Variants in GABRG1 observed in about 807,000 individuals in gnomAD.
GABRG1 encodes gamma-aminobutyric acid receptor subunit gamma-1.
In GABRG1, 49 loss-of-function variants were observed where a neutral mutation model predicts 49.8. The observed-to-expected ratio is 0.98, with a 90% CI of 0.78 to 1.25. GABRG1 has a LOEUF of 1.25. GABRG1 is among the 50% of genes most tolerant of loss of function. The pLI is 0.00. For synonymous variants in GABRG1, 232 were observed against 185.1 expected (o/e 1.25, Z -2.06); for missense variants, 552 against 552.3 (o/e 1.00, Z 0.01).
intron 5 of GABRG1, among the ~76,000 whole-genome samples, chr4:46,058,940 C>G (rs916440978): frequency 1.3e-5 from 2 of 152,006 alleles, no homozygotes; most frequent in Admixed American, 6.6e-5. Flanking sequence ...CTGCGATGAT[C>G]TTTTCTTTTT....
rs942435212 is a variant in GABRG1 at position 46,046,676 on chromosome 4, G to A, written c.1131+4748C>T. On this transcript the variant is annotated intron_variant, in intron 8 of 8. Transcript: ENST00000295452. ...GTGGGTGAGGACTGTGGGGTGAGGCGGTGCCAGGGGGGACCCAAAAACTTG... is the reference window on the plus strand; with the variant it reads ...GTGGGTGAGGACTGTGGGGTGAGGCAGTGCCAGGGGGGACCCAAAAACTTG... Among the ~76,000 whole-genome samples the A allele has an allele frequency of 9.2e-5, 14 of 152,020 alleles. 1 individual carries two copies. The highest frequency in any genetic ancestry group is 6.2e-4 in the South Asian group (3 of 4,814).
At chr4:46,045,075 A>G (rs530796979) in intron 8 of GABRG1, among the ~76,000 whole-genome samples, 3 of 152,218 alleles carry the variant, frequency 2.0e-5, no homozygotes, top group African/African-American at 7.2e-5. Context: ...TTGGGGAACA[A>G]TCATGAAGAA....
intron 3 of GABRG1, among the ~76,000 whole-genome samples, chr4:46,072,947 G>A (rs1393627341): frequency 6.6e-6 from 1 of 151,806 alleles, no homozygotes; most frequent in Non-Finnish European, 1.5e-5. Flanking sequence ...ACAGATTTTA[G>A]ATATATTTAT....
chr4:46,044,626 C>T (rs1717917986), intron 8 of GABRG1, among the ~76,000 whole-genome samples: 1 of 152,030 alleles, frequency 6.6e-6, no homozygotes, highest in South Asian at 2.1e-4. Context: ...AGACACATCT[C>T]AGAAAGGCTC....
chr4:46,090,151 T>C (rs1719926079), intron 2 of GABRG1, among the ~76,000 whole-genome samples: 1 of 151,944 alleles, frequency 6.6e-6, no homozygotes, highest in African/African-American at 2.4e-5. Flanking sequence ...AAGCGATACA[T>C]ACAAAAATTA....
Position 46,097,183 on chromosome 4 carries a change from A to G in GABRG1, c.253+18T>C, listed in dbSNP as rs374594000. 3.8e-6 allele frequency: 6 copies of G among 1,589,070 alleles called. No homozygotes were observed. The highest frequency in any genetic ancestry group is 5.1e-6 in the Non-Finnish European group (6 of 1,168,538). The stretch of plus-strand genomic sequence containing the variant: ...GTTTAATGGTCATCAAAATCCCAGA[A>G]TGGTAACTCAAGCTTACCTCCTATA... On this transcript the variant is annotated intron_variant, in intron 2 of 8. Coordinates refer to ENST00000295452, the MANE Select transcript of GABRG1 (RefSeq NM_173536.4).
chr4:46,060,616 T>G (rs975742427), intron 5 of GABRG1, among the ~76,000 whole-genome samples: 3 of 152,166 alleles, frequency 2.0e-5, no homozygotes, highest in African/African-American at 7.2e-5. Flanking sequence ...AACTTGAAAT[T>G]TCAAAAATAG....
intron 5 of GABRG1, among the ~76,000 whole-genome samples, chr4:46,061,401 G>T (rs1313162104): frequency 6.6e-6 from 1 of 152,042 alleles, no homozygotes; most frequent in Non-Finnish European, 1.5e-5. Context: ...TTATGCTTAT[G>T]AATAAAATGT....
rs1366463524 is a variant in GABRG1 at position 46,039,315 on chromosome 4, A to T, written c.*1673T>A. ...CATGCTTATTTTTTTCCAGAAGTTT[A>T]TGAGCAAGTGAAAAAAAAAATAGAG... is the stretch of plus-strand genomic sequence containing the variant. On this transcript the variant is annotated 3_prime_UTR_variant, in exon 9 of 9. Coordinates refer to ENST00000295452, the MANE Select transcript of GABRG1 (RefSeq NM_173536.4). The T allele has an allele frequency of 6.6e-6, 1 of 151,550 alleles. No individual in the cohort carries two copies. The highest frequency in any genetic ancestry group is 2.4e-5 in the African/African-American group (1 of 41,368). The allele number at this position is 151,550 out of a possible 1,614,324, so 9.4% of individuals were successfully genotyped here.
At chr4:46,113,020 A>C (rs935051104) in intron 1 of GABRG1, among the ~76,000 whole-genome samples, 2 of 150,806 alleles carry the variant, frequency 1.3e-5, no homozygotes, top group Non-Finnish European at 3.0e-5. Flanking sequence ...TATCTCCCCA[A>C]CCCTCACTTG....
intron 1 of GABRG1, among the ~76,000 whole-genome samples, chr4:46,119,229 G>A (rs1013366835): frequency 5.9e-5 from 9 of 151,404 alleles, no homozygotes; most frequent in African/African-American, 1.7e-4. Context: ...TCTGCTTAAT[G>A]TGATTTTATC....
At chr4:46,090,445 A>G (rs1346178933) in intron 2 of GABRG1, among the ~76,000 whole-genome samples, 3 of 152,042 alleles carry the variant, frequency 2.0e-5, no homozygotes, top group Non-Finnish European at 4.4e-5. Context: ...GTAAATATTA[A>G]GAGAACCTAG....
In GABRG1 at chr4:46,040,874, C is replaced by A; in HGVS notation, c.*114G>T. Reference sequence around the variant, plus strand: ...CTTAAAATAGTTACAATACTATTCACATTTTAACCATTGGTCTCTCTGCAT... The same window carrying A: ...CTTAAAATAGTTACAATACTATTCAAATTTTAACCATTGGTCTCTCTGCAT... On this transcript the variant is annotated 3_prime_UTR_variant, in exon 9 of 9. Coordinates refer to ENST00000295452, the MANE Select transcript of GABRG1 (RefSeq NM_173536.4). The A allele has an allele frequency of 1.9e-6, 2 of 1,079,520 alleles. No homozygotes were observed. Among genetic ancestry groups the A allele is most frequent in the Non-Finnish European group, 2.7e-6 (2 of 747,996 alleles). 66.9% of individuals were successfully genotyped at this position (1,079,520 alleles called of 1,614,324 possible).
intron 3 of GABRG1, among the ~76,000 whole-genome samples, chr4:46,074,348 T>C: frequency 6.6e-6 from 1 of 152,150 alleles, no homozygotes; most frequent in East Asian, 1.9e-4. Flanking sequence ...TTTATATTAT[T>C]ACCAGTTTAT....
At chr4:46,107,927 A>G (rs1720604165) in intron 1 of GABRG1, among the ~76,000 whole-genome samples, 2 of 151,238 alleles carry the variant, frequency 1.3e-5, no homozygotes, top group African/African-American at 2.4e-5. Flanking sequence ...TTACTTATGT[A>G]TTTGGTAAAA....
At chr4:46,051,383 A>T in intron 8 of GABRG1, 41 bp downstream of exon 8, 1 of 1,400,644 alleles carries the variant, frequency 7.1e-7, no homozygotes, top group Non-Finnish European at 9.8e-7. Context: ...TCTCTAAGTA[A>T]GTTGAGGTTT....
At chr4:46,051,847 G>T (rs891030016) in intron 7 of GABRG1, among the ~76,000 whole-genome samples, 54 of 151,714 alleles carry the variant, frequency 3.6e-4, no homozygotes, top group African/African-American at 1.2e-3. Flanking sequence ...TTAAATTACT[G>T]CGGAGTGCAA....
rs914918350 is a variant in GABRG1 at position 46,084,794 on chromosome 4, T to C, written c.254-741A>G. On this transcript the variant is annotated intron_variant, in intron 2 of 8. Coordinates refer to ENST00000295452, the MANE Select transcript of GABRG1 (RefSeq NM_173536.4). ...CCATTTGCTAGCCATCAATTAGATA[T>C]CTTAAATAAAAGTAGGTCATATGAT... Among the ~76,000 whole-genome samples the C allele has an allele frequency of 5.3e-5, 8 of 151,660 alleles. No homozygotes were observed. The East Asian group carries it at 7.7e-4, about 15-fold the overall frequency.
Position 46,097,311 on chromosome 4 carries a change from G to A in GABRG1, c.143C>T (p.Thr48Met), listed in dbSNP as rs201862437. 9.5e-5 allele frequency: 153 copies of A among 1,609,662 alleles called. No homozygotes were observed. In the East Asian group the frequency reaches 2.5e-3, roughly 26 times the overall value. Residue 48 changes from threonine (T) to methionine (M), a missense_variant, in exon 2 of 9, where the codon ACG becomes ATG. Transcript: ENST00000295452. ...KADDEDDEDL[T>M]VNKTWVLAPK... ...GGCCAAGACCCAGGTTTTGTTCACC[G>A]TTAAATCCTCATCATCTTCATCATC...
Sources: gnomAD v4.1 joint callset for allele counts (sites outside exome capture counted in the v4.1 genomes callset) on GRCh38, gnomAD v4.1.1 for gene constraint, MANE v1.5 for transcripts, NCBI Gene and HGNC (gene_info 2026-07-23, HGNC 2026-07-21) for gene names.